The following DLG2 variants were observed in gnomAD, a reference collection of about 807,000 sequenced individuals.
DLG2 encodes the protein disks large homolog 2.
DLG2 carries 45 observed loss-of-function variants against 132.5 expected under a neutral mutation model. The ratio of observed to expected loss-of-function variants is 0.34; its 90% CI spans 0.27 to 0.44. The LOEUF is 0.44. Among genes scored for constraint, DLG2 ranks in the 20% least tolerant of loss-of-function variants. The pLI is 1.00. For missense variants in DLG2, 1,045 were observed against 1,196.9 expected (o/e 0.87, Z 1.87); for synonymous variants, 424 against 419.6 (o/e 1.01, Z -0.13).
At chr11:84,406,324 T>C (rs2098849398) in intron 7 of DLG2, among the ~76,000 whole-genome samples, 1 of 152,186 alleles carries the variant, frequency 6.6e-6, no homozygotes, top group Non-Finnish European at 1.5e-5. Context: ...TTTGTTTGTT[T>C]GTTCATTTGT....
chr11:83,972,365 A>T (rs954680529), intron 12 of DLG2, among the ~76,000 whole-genome samples: 1 of 152,176 alleles, frequency 6.6e-6, no homozygotes, highest in Non-Finnish European at 1.5e-5. Flanking sequence ...TAATACCATG[A>T]AGTTGAAAAG....
At chr11:84,155,284 C>G (rs764548958) in intron 9 of DLG2, among the ~76,000 whole-genome samples, 1 of 152,096 alleles carries the variant, frequency 6.6e-6, no homozygotes, top group African/African-American at 2.4e-5. Flanking sequence ...AGGAACTGGC[C>G]CTGGAGCTTG....
chr11:83,468,679 C>G (rs1347096822), intron 25 of DLG2, among the ~76,000 whole-genome samples: 4 of 152,016 alleles, frequency 2.6e-5, no homozygotes, highest in Non-Finnish European at 2.9e-5. Context: ...CCTATGGTAC[C>G]CTCTCTTGAA....
chr11:84,667,731 T>G (rs2099701402), intron 6 of DLG2, among the ~76,000 whole-genome samples: 1 of 151,998 alleles, frequency 6.6e-6, no homozygotes, highest in Non-Finnish European at 1.5e-5. Flanking sequence ...ACTCCTGACC[T>G]CGAGTGATCC....
chr11:84,204,877 T>C (rs567280335), intron 8 of DLG2, among the ~76,000 whole-genome samples: 2 of 152,248 alleles, frequency 1.3e-5, no homozygotes, highest in South Asian at 2.1e-4. Context: ...ATTTTTTTTG[T>C]ATGATTAGGA....
chr11:84,778,012 T>A (rs1206101137), intron 6 of DLG2, among the ~76,000 whole-genome samples: 4 of 152,186 alleles, frequency 2.6e-5, no homozygotes, highest in Non-Finnish European at 5.9e-5. Context: ...CAGGAGTTAG[T>A]CATAAATTCT....
chr11:83,662,752 A>G (rs1425415096), intron 18 of DLG2, among the ~76,000 whole-genome samples: 1 of 152,166 alleles, frequency 6.6e-6, no homozygotes, highest in East Asian at 1.9e-4. Flanking sequence ...CCCGAGAACT[A>G]TATGCTCAGA....
Position 84,023,457 on chromosome 11 carries a change from T to A in DLG2, c.919+35858A>T, listed in dbSNP as rs563438538. On this transcript the variant is annotated intron_variant, in intron 11 of 27. Transcript: ENST00000376104. ...ATTTAAAGACATCACCTGAGTTCAC[T>A]AAAGTAGCAAGTAGAAAAGCCAGGA... Among the ~76,000 whole-genome samples the A allele has an allele frequency of 4.5e-4, 68 of 152,302 alleles. No homozygotes were observed. In the South Asian group the frequency reaches 7.2e-3, roughly 16 times the overall value.
At chr11:85,004,844 T>C (rs1048710824) in intron 6 of DLG2, among the ~76,000 whole-genome samples, 1 of 152,108 alleles carries the variant, frequency 6.6e-6, no homozygotes, top group Non-Finnish European at 1.5e-5. Context: ...TCTTCTAGGG[T>C]TTTTATGGTT....
intron 16 of DLG2, among the ~76,000 whole-genome samples, chr11:83,835,856 G>A (rs2056001562): frequency 6.6e-6 from 1 of 152,060 alleles, no homozygotes; most frequent in African/African-American, 2.4e-5. Context: ...TGTGGTTGTA[G>A]GATTGTATTA....
chr11:85,593,395 C>T (rs545355547), intron 3 of DLG2, among the ~76,000 whole-genome samples: 2 of 152,280 alleles, frequency 1.3e-5, no homozygotes, highest in East Asian at 3.9e-4. Context: ...GCCCTACTTC[C>T]AGAGTTTCTT....
intron 3 of DLG2, among the ~76,000 whole-genome samples, chr11:85,479,769 G>C (rs1279073133): frequency 1.3e-5 from 2 of 152,296 alleles, no homozygotes; most frequent in East Asian, 3.9e-4. Context: ...CAAGGTATCA[G>C]TAGTGTTGGT....
chr11:85,585,298 G>A (rs1267486668), intron 3 of DLG2, among the ~76,000 whole-genome samples: 1 of 152,202 alleles, frequency 6.6e-6, no homozygotes, highest in African/African-American at 2.4e-5. Flanking sequence ...CTTTGTCAAA[G>A]ATCAGTTGAC....
At chr11:85,004,225 G>GTA (rs2154132077) in intron 6 of DLG2, among the ~76,000 whole-genome samples, 1 of 152,216 alleles carries the variant, frequency 6.6e-6, no homozygotes, top group Non-Finnish European at 1.5e-5. Flanking sequence ...AATCCTTTGG[G>GTA]TATATACCCA....
intron 11 of DLG2, among the ~76,000 whole-genome samples, chr11:83,993,024 A>G (rs895092317): frequency 6.6e-6 from 1 of 152,182 alleles, no homozygotes; most frequent in African/African-American, 2.4e-5. Flanking sequence ...CTGTAGATTA[A>G]TAATAGCACT....
chr11:85,066,484 C>T (rs2064940861), intron 6 of DLG2, among the ~76,000 whole-genome samples: 1 of 151,504 alleles, frequency 6.6e-6, no homozygotes, highest in East Asian at 2.0e-4. Flanking sequence ...CAGGCAAGAA[C>T]ACAACAACAA....
rs896570196 is a variant in DLG2, at chr11:83,779,247, C to T, written c.1825+7443G>A. 2.6e-5 allele frequency among the ~76,000 whole-genome samples: 4 copies of T among 151,552 alleles called. No homozygotes were observed. In the South Asian group the frequency reaches 6.2e-4, roughly 24 times the overall value. On this transcript the variant is annotated intron_variant, in intron 18 of 27. Coordinates refer to ENST00000376104, the MANE Select transcript of DLG2 (RefSeq NM_001142699.3). ...TGGCTGGCTGGATAAAGGGTGTGCA[C>T]GAAGAAGGTAGGATGGAAAGAGAAA...
intron 15 of DLG2, among the ~76,000 whole-genome samples, chr11:83,891,860 T>C (rs2069985639): frequency 6.6e-6 from 1 of 152,216 alleles, no homozygotes; most frequent in African/African-American, 2.4e-5. Context: ...TTTGACTTCA[T>C]GGGATCTGTT....
chr11:85,305,043 T>C (rs2079849213), intron 3 of DLG2, among the ~76,000 whole-genome samples: 1 of 152,210 alleles, frequency 6.6e-6, no homozygotes, highest in Non-Finnish European at 1.5e-5. Flanking sequence ...AAATATTTGT[T>C]GAATGATTGA....
Sources: allele counts gnomAD v4.1 joint callset (sites outside exome capture counted in the v4.1 genomes callset), GRCh38; gene constraint gnomAD v4.1.1; transcripts MANE v1.5; gene names NCBI Gene and HGNC (gene_info 2026-07-23, HGNC 2026-07-21).